Variants in C17orf75 observed in about 807,000 individuals in gnomAD.
C17orf75 encodes the protein chromosome 17 open reading frame 75.
A neutral mutation model predicts 49.6 loss-of-function variants in C17orf75; 32 were observed. The observed-to-expected ratio is 0.65, with a 90% CI of 0.49 to 0.87. The LOEUF is 0.87. C17orf75 is among the 40% of genes least tolerant of loss of function. The probability of loss-of-function intolerance (pLI) is 0.00; values close to 1 mark genes in which losing one functional copy is unlikely to be tolerated. For missense variants in C17orf75, 428 were observed against 473.9 expected (o/e 0.90, Z 0.90); for synonymous variants, 158 against 159.5 (o/e 0.99, Z 0.07).
chr17:32,332,120 C>A, intron 9 of C17orf75, 142 bp from the exon 10 acceptor site: 1 of 722,512 alleles, frequency 1.4e-6, no homozygotes, highest in Non-Finnish European at 2.2e-6. Context: ...ATTTAAATTG[C>A]AGTATGCTTT....
chr17:32,334,677 A>C (rs2041309206), intron 7 of C17orf75, 72 bp from the exon 8 acceptor site: 1 of 1,584,298 alleles, frequency 6.3e-7, no homozygotes, highest in Non-Finnish European at 8.6e-7. Flanking sequence ...TTTATTTTGC[A>C]CTGGGCTGGT....
intron 3 of C17orf75, among the ~76,000 whole-genome samples, chr17:32,338,835 A>T (rs567134808): frequency 1.6e-4 from 24 of 152,298 alleles, no homozygotes; most frequent in Admixed American, 1.4e-3. Flanking sequence ...TCACACCTGT[A>T]ATCCCAGCAC....
chr17:32,343,070 C>A (rs550359474), upstream of C17orf75, among the ~76,000 whole-genome samples: 2 of 152,092 alleles, frequency 1.3e-5, no homozygotes, highest in Non-Finnish European at 2.9e-5. Flanking sequence ...CAAACCATAG[C>A]GCCACGTGAA....
At chr17:32,344,165 G>A (rs926961910), upstream of C17orf75, 5 of 518,744 alleles carry the variant, frequency 9.6e-6, no homozygotes, top group South Asian at 2.3e-5. Context: ...GGAAACAGCT[G>A]TATTTTTATT....
At chr17:32,334,957 G>T in intron 6 of C17orf75, 118 bp from the exon 7 acceptor site, 1 of 772,056 alleles carries the variant, frequency 1.3e-6, no homozygotes, top group Non-Finnish European at 2.0e-6. Flanking sequence ...GATGGGCACT[G>T]GTCACAAGCT....
upstream of C17orf75, chr17:32,343,899 T>C: frequency 1.5e-6 from 1 of 680,594 alleles, no homozygotes; most frequent in Admixed American, 2.0e-5. Flanking sequence ...ATGAGGATGG[T>C]AGAAAAACTC....
upstream of C17orf75, chr17:32,344,183 G>C: frequency 2.0e-6 from 1 of 497,120 alleles, no homozygotes; most frequent in Non-Finnish European, 3.6e-6. Context: ...ATTTTTTATA[G>C]AGACAGTGTA....
At chr17:32,334,745 G>C in intron 7 of C17orf75, 30 bp downstream of exon 7, 1 of 1,576,608 alleles carries the variant, frequency 6.3e-7, no homozygotes, top group African/African-American at 1.3e-5. Context: ...CTGTGGAAAA[G>C]CTTTTCTCTT....
At position 32,349,184 on chromosome 17, in the gene C17orf75, A is replaced by C. The variant is rs539670959; in HGVS notation, c.-7+758T>G. ...GCGCCCGGCTATCAGCTCCAGTCTT[A>C]CCACGATTAGTTTTTCACGTGCCCA... On this transcript the variant is annotated intron_variant, in intron 1 of 8. Coordinates refer to the C17orf75 transcript ENST00000583774. Among the ~76,000 whole-genome samples, 9 of 152,062 alleles carry C rather than the reference A, an allele frequency of 5.9e-5. No homozygotes were observed. In the South Asian group the frequency reaches 1.5e-3, roughly 25 times the overall value.
chr17:32,349,399 T>C (rs2041461506), intron 1 of C17orf75, among the ~76,000 whole-genome samples: 1 of 151,758 alleles, frequency 6.6e-6, no homozygotes, highest in Non-Finnish European at 1.5e-5. Context: ...CTCGCTAACA[T>C]GGTGAAACCC....
chr17:32,339,887 G>A lies in C17orf75; in HGVS notation c.273C>T (p.Arg91=). 1.9e-6 allele frequency: 3 copies of A among 1,614,006 alleles called. No individual in the cohort carries two copies. The South Asian group carries it at 3.3e-5, about 18-fold the overall frequency. The change falls in exon 3 of 10, where the codon CGC becomes CGT. Residue 91 remains arginine, a synonymous_variant. Coordinates refer to ENST00000577809, the MANE Select transcript of C17orf75 (RefSeq NM_022344.4). The part of the protein sequence containing the change: ...NLPSEVEPEL[R]SFIAKRLSRG... The stretch of plus-strand genomic sequence containing the variant: ...TTGAAAGACGCTTAGCAATGAAACT[G>A]CGCAGCTCTGGCTCCACTTCGGATG...
At chr17:32,334,280 A>G (rs1268901147) in intron 8 of C17orf75, among the ~76,000 whole-genome samples, 189 bp downstream of exon 8, 1 of 152,214 alleles carries the variant, frequency 6.6e-6, no homozygotes, top group Non-Finnish European at 1.5e-5. Flanking sequence ...TAGGTGTGGA[A>G]TTGCTAGGCA....
chr17:32,335,500 A>G (rs1597734488), intron 5 of C17orf75, 58 bp from the exon 6 acceptor site: 1 of 1,585,494 alleles, frequency 6.3e-7, no homozygotes, highest in Non-Finnish European at 8.6e-7. Context: ...AGTGGACTTC[A>G]TATTTTCTTC....
At chr17:32,332,507 T>C (rs181093731) in intron 9 of C17orf75, among the ~76,000 whole-genome samples, 25 of 152,288 alleles carry the variant, frequency 1.6e-4, no homozygotes, top group Non-Finnish European at 2.5e-4. Context: ...CTCATGTCTG[T>C]AATCCCAACA....
upstream of C17orf75, chr17:32,343,828 G>C: frequency 1.5e-6 from 1 of 673,834 alleles, no homozygotes. Flanking sequence ...AGTCTCTTGA[G>C]ATATACTTGA....
At position 32,331,785 on chromosome 17, in the gene C17orf75, T is replaced by C. The variant is rs911554018; in HGVS notation, c.1169A>G (p.Glu390Gly). 1.9e-6 allele frequency: 3 copies of C among 1,613,520 alleles called. No individual in the cohort carries two copies. Among genetic ancestry groups the C allele is most frequent in the Non-Finnish European group, 2.5e-6 (3 of 1,179,668 alleles). Reference sequence around the variant, plus strand: ...TGATCAAAAACTTTGGTCAAGAGCTTCTTTCATGAATTCTTCAAGGACAGC... The same window carrying C: ...TGATCAAAAACTTTGGTCAAGAGCTCCTTTCATGAATTCTTCAAGGACAGC... ...VIAVLEEFMK[E>G]ALDQSF Residue 390 changes from glutamate to glycine, a missense_variant, in exon 10 of 10, where the codon GAA becomes GGA. Physicochemically the swap from Glu to Gly is moderately conservative, Grantham distance 98. Transcript: ENST00000577809.
At chr17:32,348,174 C>T (rs924651734) in intron 1 of C17orf75, among the ~76,000 whole-genome samples, 2 of 152,118 alleles carry the variant, frequency 1.3e-5, no homozygotes, top group African/African-American at 2.4e-5. Flanking sequence ...TGCCCCACCA[C>T]GCCTGGCTAA....
intron 2 of C17orf75, chr17:32,341,003 A>G: frequency 1.6e-6 from 1 of 609,780 alleles, no homozygotes; most frequent in East Asian, 2.8e-5. Flanking sequence ...CAAGCACACT[A>G]TCAGTATGTG....
intron 2 of C17orf75, among the ~76,000 whole-genome samples, chr17:32,340,537 C>T (rs940139550): frequency 6.6e-6 from 1 of 150,892 alleles, no homozygotes; most frequent in African/African-American, 2.4e-5. Flanking sequence ...CCTAGCTACT[C>T]GGGAGGCTGA....
Sources: gnomAD v4.1 joint callset for allele counts (sites outside exome capture counted in the v4.1 genomes callset) on GRCh38, gnomAD v4.1.1 for gene constraint, MANE v1.5 for transcripts, NCBI Gene and HGNC (gene_info 2026-07-23, HGNC 2026-07-21) for gene names.